The following TMEM181 variants were observed in gnomAD, a reference collection of about 807,000 sequenced individuals.
TMEM181 encodes transmembrane protein 181, also known as G protein-coupled receptor 178.
A neutral mutation model predicts 71.9 loss-of-function variants in TMEM181; 39 were observed. That is an observed-to-expected ratio of 0.54 (90% CI 0.42 to 0.71). TMEM181 has a LOEUF of 0.71. TMEM181 is among the 30% of genes least tolerant of loss of function. TMEM181 has a pLI of 0.00. For missense variants in TMEM181, 595 were observed against 583.0 expected, an observed-to-expected ratio of 1.02 and a Z score of -0.21; for synonymous variants, 245 against 228.8, an observed-to-expected ratio of 1.07 and a Z score of -0.64.
intron 10 of TMEM181, among the ~76,000 whole-genome samples, chr6:158,623,291 G>A (rs971920201): frequency 2.0e-5 from 3 of 152,140 alleles, no homozygotes; most frequent in African/African-American, 4.8e-5. Context: ...AGTATATAGG[G>A]TTTTGTGTAA....
intron 1 of TMEM181, among the ~76,000 whole-genome samples, chr6:158,549,686 A>T (rs1477727794): frequency 5.3e-5 from 8 of 152,228 alleles, no homozygotes; most frequent in African/African-American, 1.4e-4. Flanking sequence ...TTTTTAAAGG[A>T]AAAATGAAGA....
intron 1 of TMEM181, chr6:158,536,950 G>C: frequency 1.9e-6 from 2 of 1,071,010 alleles, no homozygotes; most frequent in Non-Finnish European, 2.3e-6. Context: ...CCCGGCCTTG[G>C]CCTGGTCCCG....
chr6:158,613,266 A>G (rs1785429376), intron 10 of TMEM181, among the ~76,000 whole-genome samples: 1 of 152,160 alleles, frequency 6.6e-6, no homozygotes, highest in African/African-American at 2.4e-5. Flanking sequence ...TTCTCTCTCC[A>G]GTTTACCATT....
At chr6:158,574,561 G>C (rs1401294203) in intron 2 of TMEM181, among the ~76,000 whole-genome samples, 1 of 152,082 alleles carries the variant, frequency 6.6e-6, no homozygotes, top group Non-Finnish European at 1.5e-5. Flanking sequence ...TGTCTCAAAC[G>C]TCCATGATTA....
chr6:158,551,718 A>G (rs1781729594), intron 1 of TMEM181, among the ~76,000 whole-genome samples: 1 of 152,218 alleles, frequency 6.6e-6, no homozygotes, highest in African/African-American at 2.4e-5. Flanking sequence ...AGTAGATTTA[A>G]CATAACACGT....
At chr6:158,611,725 TAAAG>T (rs1390914143) in intron 10 of TMEM181, 7 of 235,978 alleles carry the variant, frequency 3.0e-5, no homozygotes, top group African/African-American at 4.6e-5. Context: ...ATGTAAGAGT[TAAAG>T]AAAGGAAAGA....
chr6:158,585,772 A>G (rs1172947420), intron 5 of TMEM181, among the ~76,000 whole-genome samples: 4 of 152,242 alleles, frequency 2.6e-5, no homozygotes, highest in South Asian at 2.1e-4. Context: ...AATGAATGTT[A>G]TGGGCTGCCT....
chr6:158,542,179 T>C (rs1479499207), intron 1 of TMEM181, among the ~76,000 whole-genome samples: 1 of 152,148 alleles, frequency 6.6e-6, no homozygotes, highest in African/African-American at 2.4e-5. Flanking sequence ...ATTGCAGGGA[T>C]TACAAGTGTG....
At chr6:158,593,279 G>C (rs1784210020) in intron 6 of TMEM181, among the ~76,000 whole-genome samples, 1 of 152,162 alleles carries the variant, frequency 6.6e-6, no homozygotes, top group African/African-American at 2.4e-5. Context: ...TATATATACT[G>C]ATTTAAGACA....
intron 1 of TMEM181, among the ~76,000 whole-genome samples, chr6:158,555,072 T>G (rs1445480543): frequency 6.6e-6 from 1 of 152,218 alleles, no homozygotes; most frequent in Non-Finnish European, 1.5e-5. Context: ...GAAAACAAAC[T>G]CTCCAAAGAG....
chr6:158,599,371 G>A (rs1784550252), intron 6 of TMEM181, among the ~76,000 whole-genome samples: 2 of 152,132 alleles, frequency 1.3e-5, no homozygotes, highest in Non-Finnish European at 2.9e-5. Flanking sequence ...GGCAAGCCTC[G>A]GCTCTGAAAG....
At chr6:158,561,326 A>G (rs1275622777) in intron 1 of TMEM181, among the ~76,000 whole-genome samples, 1 of 152,210 alleles carries the variant, frequency 6.6e-6, no homozygotes, top group Non-Finnish European at 1.5e-5. Context: ...ATGGCATCAA[A>G]TATCAGACCT....
At chr6:158,615,091 T>C (rs1785543073) in intron 10 of TMEM181, among the ~76,000 whole-genome samples, 1 of 152,242 alleles carries the variant, frequency 6.6e-6, no homozygotes, top group Non-Finnish European at 1.5e-5. Context: ...TGAACTAGTT[T>C]ACACTCCCAC....
chr6:158,574,373 C>G (rs936568971), intron 2 of TMEM181, among the ~76,000 whole-genome samples: 1 of 152,144 alleles, frequency 6.6e-6, no homozygotes, highest in African/African-American at 2.4e-5. Flanking sequence ...AACTTCTTTT[C>G]TTTCCCGTTA....
intron 10 of TMEM181, among the ~76,000 whole-genome samples, chr6:158,614,313 T>C (rs1785489670): frequency 6.6e-6 from 1 of 152,200 alleles, no homozygotes; most frequent in South Asian, 2.1e-4. Flanking sequence ...CCATTAAGTT[T>C]TTGCTTCGCC....
chr6:158,549,110 C>CTTTT (rs33969411), intron 1 of TMEM181, among the ~76,000 whole-genome samples: 2 of 67,510 alleles, frequency 3.0e-5, no homozygotes, highest in Non-Finnish European at 2.8e-5. Context: ...GTGCACACTT[C>CTTTT]TTTTTTTTTT....
chr6:158,542,868 GTTTTTTTTTTTT>G (rs61401561), intron 1 of TMEM181, among the ~76,000 whole-genome samples: 5 of 73,464 alleles, frequency 6.8e-5, no homozygotes, highest in South Asian at 5.2e-4. Context: ...CTCCAGAGTG[GTTTTTTTTTTTT>G]TTTTTTTTTT....
chr6:158,613,066 GATA>G (rs1177396776), intron 10 of TMEM181, among the ~76,000 whole-genome samples: 1 of 152,130 alleles, frequency 6.6e-6, no homozygotes, highest in Non-Finnish European at 1.5e-5. Context: ...TCTTTACATT[GATA>G]TTTAGGACGT....
At chr6:158,547,525 G>A (rs1562613715) in intron 1 of TMEM181, among the ~76,000 whole-genome samples, 1 of 152,208 alleles carries the variant, frequency 6.6e-6, no homozygotes, top group Non-Finnish European at 1.5e-5. Context: ...CATTCAGCAG[G>A]AGGAAAGTGC....
Sources: gnomAD v4.1 joint callset for allele counts (sites outside exome capture counted in the v4.1 genomes callset) on GRCh38, gnomAD v4.1.1 for gene constraint, MANE v1.5 for transcripts, NCBI Gene and HGNC (gene_info 2026-07-23, HGNC 2026-07-21) for gene names.